The following CCDC102A variants were observed in gnomAD, a reference collection of about 807,000 sequenced individuals.
The protein encoded by CCDC102A is coiled-coil domain containing 102A.
CCDC102A carries 40 observed loss-of-function variants against 55.5 expected under a neutral mutation model. The ratio of observed to expected loss-of-function variants is 0.72; its 90% CI spans 0.56 to 0.94. The LOEUF (loss-of-function observed/expected upper bound fraction) is 0.94, where lower values mean the gene tolerates loss of function less well. CCDC102A is among the 40% of genes least tolerant of loss of function. The pLI, the probability that CCDC102A is intolerant of heterozygous loss-of-function variation, is 0.00. For synonymous variants in CCDC102A, 323 were observed against 339.0 expected (o/e 0.95, Z 0.52); for missense variants, 779 against 768.6 (o/e 1.01, Z -0.16).
intron 4 of CCDC102A, 73 bp downstream of exon 4, chr16:57,520,995 C>T: frequency 1.1e-6 from 1 of 904,774 alleles, no homozygotes; most frequent in Non-Finnish European, 1.8e-6. Flanking sequence ...ATTCTCTCTT[C>T]CATCTCCACT....
intron 6 of CCDC102A, 86 bp downstream of exon 6, chr16:57,517,982 A>C (rs889301753): frequency 1.6e-5 from 23 of 1,403,942 alleles, no homozygotes; most frequent in Admixed American, 8.7e-5. Context: ...AATTATCACC[A>C]GGCCTGACAC....
In CCDC102A at chr16:57,512,507, T is replaced by C. The variant is rs1272220033; in HGVS notation, c.*234A>G. 4.5e-6 allele frequency: 2 copies of C among 445,012 alleles called. No individual in the cohort carries two copies. The highest frequency in any genetic ancestry group is 4.0e-5 in the Admixed American group (1 of 24,990). 27.6% of individuals were successfully genotyped at this position (445,012 alleles called of 1,614,324 possible). On this transcript the variant is annotated 3_prime_UTR_variant, in exon 9 of 9. Transcript: ENST00000258214. The stretch of plus-strand genomic sequence containing the variant: ...AAAACCAAATGGGTCCAAAGACTTC[T>C]GGGTGTGCGCGCGCGCGCGCGCGTG...
rs1228046298 is a variant in CCDC102A at position 57,516,449 on chromosome 16, C to T, written c.1263G>A (p.Leu421=). Residue 421 remains leucine, a synonymous_variant, in exon 7 of 9, where the codon CTG becomes CTA. Transcript: ENST00000258214. This position sits in a 1 kb window ranked among gnomAD's most constrained non-coding sequence, Gnocchi z 4.4. ...LFEKNKELAD[L]KHVHGKLKKQ... ...TCTTCAGCTTGCCATGCACATGCTT[C>T]AGGTCTGCCAGCTCCTACAGGGCAC... The T allele has an allele frequency of 3.7e-6, 6 of 1,607,428 alleles. No homozygotes were observed. Among genetic ancestry groups the T allele is most frequent in the Non-Finnish European group, 5.1e-6 (6 of 1,179,900 alleles).
At position 57,529,919 on chromosome 16, in the gene CCDC102A, A is replaced by T. The variant is rs1404176811; in HGVS notation, c.-147-595T>A. ...TTAGTCCCAACACATGATGACAATG[A>T]TATTTGTGGAGGGCAGGCCACAAGC... On this transcript the variant is annotated intron_variant, in intron 1 of 8. Transcript: ENST00000258214. The surrounding 1 kb of genome is among the most constrained non-coding windows in gnomAD (Gnocchi z 4.1). 1.3e-5 allele frequency among the ~76,000 whole-genome samples: 2 copies of T among 152,144 alleles called. No homozygotes were observed. The highest frequency in any genetic ancestry group is 2.9e-5 in the Non-Finnish European group (2 of 68,028).
At chr16:57,523,098 C>T (rs1362596477) in intron 3 of CCDC102A, among the ~76,000 whole-genome samples, 1 of 151,644 alleles carries the variant, frequency 6.6e-6, no homozygotes, top group African/African-American at 2.4e-5. Flanking sequence ...ACCAGGGAGA[C>T]AAGAGATTGT....
chr16:57,528,701 C>T lies in CCDC102A; in HGVS notation c.477G>A (p.Arg159=). The T allele has an allele frequency of 1.8e-6, 2 of 1,124,354 alleles. No homozygotes were observed. The highest frequency in any genetic ancestry group is 2.2e-6 in the Non-Finnish European group (2 of 914,560). 69.6% of individuals were successfully genotyped at this position (1,124,354 alleles called of 1,614,324 possible). Residue 159 remains arginine, a synonymous_variant, in exon 2 of 9, where the codon CGG becomes CGA. Transcript: ENST00000258214. ...CGGCGACCCCCCGGGCGCCCCTCAGCCGCGCCAGCTCGCGGCCCCGTGCCT... is the reference window on the plus strand; with the variant it reads ...CGGCGACCCCCCGGGCGCCCCTCAGTCGCGCCAGCTCGCGGCCCCGTGCCT... The part of the protein sequence containing the change: ...ECEARGRELA[R]LRGARGVADQ...
rs1197617856 is a variant in CCDC102A at position 57,528,581 on chromosome 16, C to A, written c.585+12G>T. Reference sequence around the variant, plus strand: ...GAGACTGGAGCGCGAACGCCCCGCCCGCGCCGCGCACCTGGCTGCCTGGCG... The same window carrying A: ...GAGACTGGAGCGCGAACGCCCCGCCAGCGCCGCGCACCTGGCTGCCTGGCG... On this transcript the variant is annotated intron_variant, in intron 2 of 8. Transcript: ENST00000258214. The A allele has an allele frequency of 2.4e-6, 3 of 1,234,542 alleles. 1 individual carries two copies. Among genetic ancestry groups the A allele is most frequent in the South Asian group, 4.6e-5 (2 of 43,604 alleles). The allele number at this position is 1,234,542 out of a possible 1,614,324, so 76.5% of individuals were successfully genotyped here.
chr16:57,515,565 C>T (rs1002145361), intron 7 of CCDC102A, 121 bp from the exon 8 acceptor site: 1 of 690,000 alleles, frequency 1.4e-6, no homozygotes. Flanking sequence ...AGAGTGTTTG[C>T]TCCTTGAGGC....
In CCDC102A at chr16:57,528,849, T is replaced by C. The variant is rs2032195338; in HGVS notation, c.329A>G (p.Lys110Arg). 2 of 1,339,170 alleles carry C rather than the reference T, an allele frequency of 1.5e-6. No homozygotes were observed. Among genetic ancestry groups the C allele is most frequent in the East Asian group, 6.7e-5 (2 of 29,854 alleles). 83.0% of individuals were successfully genotyped at this position (1,339,170 alleles called of 1,614,324 possible). Residue 110 changes from lysine (K) to arginine (R), a missense_variant, in exon 2 of 9, where the codon AAG becomes AGG. Transcript: ENST00000258214. Reference protein sequence around the residue: ...CTANWREKWSKVRAERNRARE... With the variant: ...CTANWREKWSRVRAERNRARE... ...CGCGCGGTTGCGCTCAGCGCGCACC[T>C]TGCTCCATTTCTCGCGCCAATTGGC...
chr16:57,529,282 C>A lies in CCDC102A; in HGVS notation c.-105G>T, dbSNP rs1448413828. Reference sequence around the variant, plus strand: ...CAACTGTGCATGATGACGCCGTGCCCCGCTTCCCTCTGGGCCACCGGGCGG... The same window carrying A: ...CAACTGTGCATGATGACGCCGTGCCACGCTTCCCTCTGGGCCACCGGGCGG... On this transcript the variant is annotated 5_prime_UTR_variant, in exon 2 of 9. Coordinates refer to ENST00000258214, the MANE Select transcript of CCDC102A (RefSeq NM_033212.4). The surrounding 1 kb of genome is among the most constrained non-coding windows in gnomAD (Gnocchi z 4.1). The A allele has an allele frequency of 2.9e-5, 32 of 1,117,966 alleles. No individual in the cohort carries two copies. The highest frequency in any genetic ancestry group is 3.5e-5 in the Non-Finnish European group (32 of 913,772). 69.3% of individuals were successfully genotyped at this position (1,117,966 alleles called of 1,614,324 possible).
chr16:57,528,030 C>T (rs2032171881), intron 2 of CCDC102A, among the ~76,000 whole-genome samples: 1 of 152,212 alleles, frequency 6.6e-6, no homozygotes. Flanking sequence ...TCACTGCAAC[C>T]TCGACTTCCT....
In CCDC102A at chr16:57,516,546, G is replaced by A; in HGVS notation, c.1249-83C>T. 9.0e-7 allele frequency: 1 copy of A among 1,112,442 alleles called. No homozygotes were observed. Among genetic ancestry groups the A allele is most frequent in the South Asian group, 1.3e-5 (1 of 74,256 alleles). The allele number at this position is 1,112,442 out of a possible 1,614,324, so 68.9% of individuals were successfully genotyped here. A position where few individuals can be genotyped will look rare whatever the true frequency, so the allele number is the denominator to read the frequency against. On this transcript the variant is annotated intron_variant, in intron 6 of 8. Coordinates refer to ENST00000258214, the MANE Select transcript of CCDC102A (RefSeq NM_033212.4). The surrounding 1 kb of genome is among the most constrained non-coding windows in gnomAD (Gnocchi z 4.4). Reference sequence around the variant, plus strand: ...CATGCCAGGGAGTCCCACGAGGTCAGGCAGTTCTAGGGATGCTGGGTGTCT... The same window carrying A: ...CATGCCAGGGAGTCCCACGAGGTCAAGCAGTTCTAGGGATGCTGGGTGTCT...
chr16:57,526,567 T>A (rs2032144931), intron 2 of CCDC102A, among the ~76,000 whole-genome samples: 1 of 152,166 alleles, frequency 6.6e-6, no homozygotes, highest in African/African-American at 2.4e-5. Context: ...AAGCAGTGCC[T>A]GTGAGGAGAG....
chr16:57,526,397 G>C (rs1272024574), intron 2 of CCDC102A, among the ~76,000 whole-genome samples: 1 of 152,216 alleles, frequency 6.6e-6, no homozygotes, highest in Admixed American at 6.5e-5. Flanking sequence ...CCTGTCACTG[G>C]AAGTATGCAA....
intron 3 of CCDC102A, 96 bp from the exon 4 acceptor site, chr16:57,521,272 GA>G: frequency 1.1e-6 from 1 of 913,486 alleles, no homozygotes; most frequent in Non-Finnish European, 1.8e-6. Context: ...TGCACTTGTT[GA>G]GCCCAAGTCC....
rs1198847357 is a variant in CCDC102A, at chr16:57,528,606, G to T, written c.572C>A (p.Pro191Gln). 6 of 1,270,630 alleles carry T rather than the reference G, an allele frequency of 4.7e-6. No individual in the cohort carries two copies. Among genetic ancestry groups the T allele is most frequent in the East Asian group, 3.9e-5 (1 of 25,648 alleles). 78.7% of individuals were successfully genotyped at this position (1,270,630 alleles called of 1,614,324 possible). The change falls in exon 2 of 9, where the codon CCG becomes CAG. Residue 191 changes from proline (P) to glutamine (Q), a missense_variant. Transcript: ENST00000258214. ...EPVRDVGSER[P>Q]PGSQELELVE... ...CGCGCCGCGCACCTGGCTGCCTGGC[G>T]GCCTCTCGGACCCGACGTCACGCAC...
At chr16:57,514,123 G>A (rs932862205) in intron 8 of CCDC102A, among the ~76,000 whole-genome samples, 4 of 152,168 alleles carry the variant, frequency 2.6e-5, no homozygotes, top group South Asian at 2.1e-4. Flanking sequence ...AAGCCCCTCC[G>A]CAGCGGTAGT....
At chr16:57,519,885 T>A (rs974550378) in intron 4 of CCDC102A, among the ~76,000 whole-genome samples, 4 of 152,166 alleles carry the variant, frequency 2.6e-5, no homozygotes, top group Non-Finnish European at 5.9e-5. Flanking sequence ...TCTGTGATCC[T>A]CCCAGCTGCT....
chr16:57,512,529 C>CGCGT lies in CCDC102A; in HGVS notation c.*211_*212insACGC, dbSNP rs150669592. On this transcript the variant is annotated 3_prime_UTR_variant, in exon 9 of 9. Transcript: ENST00000258214. ...TTCTGGGTGTGCGCGCGCGCGCGCG[C>CGCGT]GTGTGTGTATATATATATATAAAAC... The CGCGT allele has an allele frequency of 0.061, 28,778 of 475,392 alleles. 716 individuals are homozygous for CGCGT. The highest frequency in any genetic ancestry group is 0.14 in the East Asian group (4,043 of 29,664). The allele number at this position is 475,392 out of a possible 1,614,324, so 29.4% of individuals were successfully genotyped here.
Sources: allele counts gnomAD v4.1 joint callset (sites outside exome capture counted in the v4.1 genomes callset), GRCh38; gene constraint gnomAD v4.1.1; non-coding constraint Gnocchi (gnomAD v3.1); transcripts MANE v1.5; gene names NCBI Gene and HGNC (gene_info 2026-07-23, HGNC 2026-07-21).